Variants in PCDHGA2 observed in about 807,000 individuals in gnomAD.
The protein encoded by PCDHGA2 is protocadherin gamma subfamily A, 2.
PCDHGA2 carries 40 observed loss-of-function variants against 59.2 expected under a neutral mutation model. The observed-to-expected ratio is 0.68, with a 90% confidence interval of 0.52 to 0.88. The LOEUF (loss-of-function observed/expected upper bound fraction) is 0.88. Among genes scored for constraint, PCDHGA2 ranks in the 40% least tolerant of loss-of-function variants. PCDHGA2 has a pLI of 0.00. For synonymous variants in PCDHGA2, 560 were observed against 526.0 expected (o/e 1.06, Z -0.89); for missense variants, 1,226 against 1,204.0 (o/e 1.02, Z -0.27).
intron 1 of PCDHGA2, chr5:141,419,512 G>T (rs754877872): frequency 3.7e-6 from 6 of 1,612,296 alleles, no homozygotes; most frequent in South Asian, 1.1e-5. Context: ...TGCGCGTGTT[G>T]GTGGGCGACC....
intron 2 of PCDHGA2, among the ~76,000 whole-genome samples, chr5:141,502,135 G>A (rs1254187943): frequency 6.6e-6 from 1 of 152,154 alleles, no homozygotes; most frequent in East Asian, 1.9e-4. Context: ...GAGCTCAGTC[G>A]GGCCGGAAGT....
At chr5:141,398,502 C>A in intron 1 of PCDHGA2, 1 of 1,596,962 alleles carries the variant, frequency 6.3e-7, no homozygotes, top group Admixed American at 1.7e-5. Flanking sequence ...AGATCGAGGA[C>A]ATTAATGACC....
At position 141,431,633 on chromosome 5, in the gene PCDHGA2, T is replaced by G; in HGVS notation, c.2425-63174T>G. On this transcript the variant is annotated intron_variant, in intron 1 of 3. Coordinates refer to ENST00000394576, the MANE Select transcript of PCDHGA2 (RefSeq NM_018915.4). This position sits in a 1 kb window ranked among gnomAD's most constrained non-coding sequence, Gnocchi z 4.8. Reference sequence around the variant, plus strand: ...TGTGGACGACAAGGCGGCCCAAGTTTTCAAACTAGATTGTAATTCAGGGAC... The same window carrying G: ...TGTGGACGACAAGGCGGCCCAAGTTGTCAAACTAGATTGTAATTCAGGGAC... 6.2e-7 allele frequency: 1 copy of G among 1,614,240 alleles called. No individual in the cohort carries two copies. Among genetic ancestry groups the G allele is most frequent in the Non-Finnish European group, 8.5e-7 (1 of 1,180,048 alleles).
chr5:141,388,496 G>A (rs1296141749), intron 1 of PCDHGA2: 9 of 1,613,710 alleles, frequency 5.6e-6, no homozygotes, highest in South Asian at 4.4e-5. Context: ...ACAGAGAAAA[G>A]CAGAAATCCT....
rs1189175823 is a variant in PCDHGA2 at position 141,422,087 on chromosome 5, G to T, written c.2425-72720G>T. 2 of 1,611,966 alleles carry T rather than the reference G, an allele frequency of 1.2e-6. No individual in the cohort carries two copies. ...ATGTATTCATTTCGGAACATGGAAA[G>T]CAAGGCTTCTGAAATATTCCAATTG... is the stretch of plus-strand genomic sequence containing the variant. On this transcript the variant is annotated intron_variant, in intron 1 of 3. Transcript: ENST00000394576.
In PCDHGA2 at chr5:141,351,829, C is replaced by T. The variant is rs1330415578; in HGVS notation, c.2424+10434C>T. On this transcript the variant is annotated intron_variant, in intron 1 of 3. Transcript: ENST00000394576. ...CCTTCGACCACGAGCAGCTGCGCGCCTTCGAGCTCACACTGCAGGCCAGGG... is the reference window on the plus strand; with the variant it reads ...CCTTCGACCACGAGCAGCTGCGCGCTTTCGAGCTCACACTGCAGGCCAGGG... 10 of 1,613,244 alleles carry T rather than the reference C, an allele frequency of 6.2e-6. No homozygotes were observed. The Middle Eastern group carries it at 5.0e-4, about 80-fold the overall frequency.
chr5:141,470,479 C>T (rs2099231547), intron 1 of PCDHGA2, among the ~76,000 whole-genome samples: 1 of 152,078 alleles, frequency 6.6e-6, no homozygotes, highest in African/African-American at 2.4e-5. Flanking sequence ...ATTACTAACC[C>T]TCTGGGAATA....
At chr5:141,345,486 G>C in intron 1 of PCDHGA2, 2 of 1,614,008 alleles carry the variant, frequency 1.2e-6, no homozygotes, top group South Asian at 1.1e-5. Context: ...CAACAACAAC[G>C]CCCGCATCAC....
intron 1 of PCDHGA2, chr5:141,405,510 C>T: frequency 1.4e-6 from 1 of 732,922 alleles, no homozygotes; most frequent in Non-Finnish European, 2.2e-6. Context: ...ACCTCCGCCT[C>T]CCAAATTCAA....
chr5:141,374,656 C>G (rs775346091), intron 1 of PCDHGA2: 1 of 1,612,056 alleles, frequency 6.2e-7, no homozygotes, highest in Non-Finnish European at 8.5e-7. Context: ...GGCCCAAGTA[C>G]CCGGAGCTGG....
chr5:141,476,553 A>G lies in PCDHGA2; in HGVS notation c.2425-18254A>G. On this transcript the variant is annotated intron_variant, in intron 1 of 3. Coordinates refer to ENST00000394576, the MANE Select transcript of PCDHGA2 (RefSeq NM_018915.4). The surrounding 1 kb of genome is among the most constrained non-coding windows in gnomAD (Gnocchi z 7.6). ...CAGGAAATGAAATTGGAGATTAGCG[A>G]GGCCGTGGCTCCGGGGACGCGCTTT... The G allele has an allele frequency of 1.2e-6, 2 of 1,614,226 alleles. No homozygotes were observed. The highest frequency in any genetic ancestry group is 1.7e-6 in the Non-Finnish European group (2 of 1,180,040).
chr5:141,361,128 C>T, intron 1 of PCDHGA2: 1 of 1,613,960 alleles, frequency 6.2e-7, no homozygotes, highest in African/African-American at 1.3e-5. Context: ...CAGCCCACTG[C>T]AGTATCCAAG....
At chr5:141,344,997 C>A in intron 1 of PCDHGA2, 1 of 1,613,934 alleles carries the variant, frequency 6.2e-7, no homozygotes, top group East Asian at 2.2e-5. Flanking sequence ...AATTGAAGCA[C>A]AGGATGGACC....
rs70988800 is a variant in PCDHGA2 at position 141,379,889 on chromosome 5, C to CTTTTTTTTTTTTTTTT, written c.2424+38509_2424+38524dup. 2.0e-3 allele frequency among the ~76,000 whole-genome samples: 102 copies of CTTTTTTTTTTTTTTTT among 50,818 alleles called. 16 individuals carry two copies. The highest frequency in any genetic ancestry group is 2.6e-3 in the Non-Finnish European group (66 of 25,878). The allele number at this position is 50,818 out of a possible 152,430, so 33.3% of individuals were successfully genotyped here. On this transcript the variant is annotated intron_variant, in intron 1 of 3. Transcript: ENST00000394576. Reference sequence around the variant, plus strand: ...CTTATTTTATGGTCTGTGAAAGCCTCTTTTTTTTTTTTTTTTTTTTTTTTT... The same window carrying CTTTTTTTTTTTTTTTT: ...CTTATTTTATGGTCTGTGAAAGCCTCTTTTTTTTTTTTTTTTTTTTTTTTTTTTTTTTTTTTTTTTT...
At chr5:141,430,140 A>C (rs1295602149) in intron 1 of PCDHGA2, among the ~76,000 whole-genome samples, 1 of 152,202 alleles carries the variant, frequency 6.6e-6, no homozygotes, top group Non-Finnish European at 1.5e-5. Context: ...CCTTCCATTC[A>C]GGATCATTCA....
chr5:141,403,717 G>GC (rs1561689685), intron 1 of PCDHGA2: 2 of 1,613,936 alleles, frequency 1.2e-6, no homozygotes, highest in South Asian at 2.2e-5. Flanking sequence ...TTGAGAACGT[G>GC]CCCCCAGGCA....
chr5:141,379,845 AC>A (rs1334954085), intron 1 of PCDHGA2, among the ~76,000 whole-genome samples: 3 of 138,852 alleles, frequency 2.2e-5, no homozygotes. Context: ...AAAAAAAACT[AC>A]CAAATTATTG....
Position 141,511,208 on chromosome 5 carries a change from C to T in PCDHGA2, c.*35C>T, listed in dbSNP as rs1278180818. 27 of 1,610,922 alleles carry T rather than the reference C, an allele frequency of 1.7e-5. No individual in the cohort carries two copies. Among genetic ancestry groups the T allele is most frequent in the Non-Finnish European group, 2.3e-5 (27 of 1,178,572 alleles). ...CAGGCCAAGAGCCACAGGGCGGCCT[C>T]TCCCCAACCAGCCCAGCTTCTCCTT... On this transcript the variant is annotated 3_prime_UTR_variant, in exon 4 of 4. Coordinates refer to ENST00000394576, the MANE Select transcript of PCDHGA2 (RefSeq NM_018915.4).
chr5:141,371,033 A>G, intron 1 of PCDHGA2: 2 of 1,614,008 alleles, frequency 1.2e-6, no homozygotes, highest in Non-Finnish European at 1.7e-6. Context: ...TGGTCCTCAC[A>G]GCTGTGGATG....
Sources: allele counts gnomAD v4.1 joint callset (sites outside exome capture counted in the v4.1 genomes callset), GRCh38; gene constraint gnomAD v4.1.1; non-coding constraint Gnocchi (gnomAD v3.1); transcripts MANE v1.5; gene names NCBI Gene and HGNC (gene_info 2026-07-23, HGNC 2026-07-21).